UBE2F: variants seen among roughly 807,000 people sequenced by gnomAD.
UBE2F encodes the protein ubiquitin conjugating enzyme E2 F (putative), also known as NEDD8-conjugating enzyme UBE2F.
Under a neutral mutation model 29.6 loss-of-function variants are expected in UBE2F, and 5 were observed. The observed-to-expected ratio is 0.17, with a 90% CI of 0.09 to 0.36. The LOEUF (loss-of-function observed/expected upper bound fraction) is 0.36, where lower values mean the gene tolerates loss of function less well. Among genes scored for constraint, UBE2F ranks in the 10% least tolerant of loss-of-function variants. The pLI is 1.00. For synonymous variants in UBE2F, 66 were observed against 81.8 expected, an observed-to-expected ratio of 0.81 and a Z score of 1.04; for missense variants, 141 against 228.5, an observed-to-expected ratio of 0.62 and a Z score of 2.47.
At chr2:237,969,935 C>T (rs969317538) in intron 1 of UBE2F, among the ~76,000 whole-genome samples, 1 of 152,118 alleles carries the variant, frequency 6.6e-6, no homozygotes, top group Non-Finnish European at 1.5e-5. Context: ...GGCACAGTAG[C>T]GTAACAATGA....
Position 237,999,820 on chromosome 2 carries a change from CTTTTTT to C in UBE2F, c.214+5028_214+5033del, listed in dbSNP as rs3054481. On this transcript the variant is annotated intron_variant, in intron 4 of 9. Coordinates refer to ENST00000272930, the MANE Select transcript of UBE2F (RefSeq NM_080678.3). ...AGATGTTAAGTATTTTGATGTTGTT[CTTTTTT>C]TTTTTTTTTTTTTTTTGAGACGGAG... Among the ~76,000 whole-genome samples the C allele has an allele frequency of 1.7e-3, 203 of 119,760 alleles. 3 individuals carry two copies. The highest frequency in any genetic ancestry group is 4.6e-3 in the South Asian group (18 of 3,894). 78.6% of individuals were successfully genotyped at this position (119,760 alleles called of 152,430 possible).
At position 237,993,696 on chromosome 2, in the gene UBE2F, G is replaced by T. The variant is rs571660113; in HGVS notation, c.149-1048G>T. ...CCACTGTCCTCCAGTCCAGGCAACA[G>T]AGTGAGACCCTGTCTAAAAAAAAGT... On this transcript the variant is annotated intron_variant, in intron 3 of 9. Transcript: ENST00000272930. Among the ~76,000 whole-genome samples, 319 of 152,346 alleles carry T rather than the reference G, an allele frequency of 2.1e-3. 1 individual carries two copies. The highest frequency in any genetic ancestry group is 7.1e-3 in the African/African-American group (294 of 41,578).
intron 2 of UBE2F, 26 bp from the exon 3 acceptor site, chr2:237,987,937 T>G: frequency 7.4e-7 from 1 of 1,356,568 alleles, no homozygotes; most frequent in Non-Finnish European, 1.0e-6. Flanking sequence ...TGACTAATAT[T>G]AATAATAATT....
At position 237,987,852 on chromosome 2, in the gene UBE2F, C is replaced by CATTTT. The variant is rs59213280; in HGVS notation, c.119-111_119-110insATTTT. ...TAGACCAGGTTTTATTCAGTTCATC[C>CATTTT]TTTTTTTTTTTTTTTTGATTCAGTG... is the stretch of plus-strand genomic sequence containing the variant. On this transcript the variant is annotated intron_variant, in intron 2 of 9. Transcript: ENST00000272930. 2.5e-3 allele frequency: 1,288 copies of CATTTT among 519,350 alleles called. 300 individuals carry two copies. Among genetic ancestry groups the CATTTT allele is most frequent in the South Asian group, 6.3e-3 (221 of 35,170 alleles). The allele number at this position is 519,350 out of a possible 1,614,324, so 32.2% of individuals were successfully genotyped here.
intron 4 of UBE2F, among the ~76,000 whole-genome samples, chr2:238,002,993 A>G (rs2106365044): frequency 6.6e-6 from 1 of 152,310 alleles, no homozygotes; most frequent in South Asian, 2.1e-4. Flanking sequence ...AGATAAGGAA[A>G]TGGAGCAGAG....
chr2:237,967,195 C>T lies in UBE2F; in HGVS notation c.-17+63C>T. On this transcript the variant is annotated intron_variant, in intron 1 of 9. Coordinates refer to ENST00000272930, the MANE Select transcript of UBE2F (RefSeq NM_080678.3). This position sits in a 1 kb window ranked among gnomAD's most constrained non-coding sequence, Gnocchi z 6.3. ...TGCGGCCGCCGGTGCACGGGCTGGC[C>T]TGCGGGCCGGGCGGAGGGCGCGGGC... 9.4e-7 allele frequency: 1 copy of T among 1,061,602 alleles called. No individual in the cohort carries two copies. The highest frequency in any genetic ancestry group is 1.7e-5 in the African/African-American group (1 of 58,866). 65.8% of individuals were successfully genotyped at this position (1,061,602 alleles called of 1,614,324 possible). A position where few individuals can be genotyped will look rare whatever the true frequency, so the allele number is the denominator to read the frequency against.
At chr2:237,971,845 A>T (rs2063182967) in intron 1 of UBE2F, among the ~76,000 whole-genome samples, 1 of 152,092 alleles carries the variant, frequency 6.6e-6, no homozygotes, top group Admixed American at 6.6e-5. Context: ...CTGGTGGGAG[A>T]TGTTGGTAAT....
chr2:238,019,724 A>C (rs1181955833), intron 5 of UBE2F, among the ~76,000 whole-genome samples: 4 of 133,698 alleles, frequency 3.0e-5, no homozygotes, highest in Non-Finnish European at 6.1e-5. Flanking sequence ...CAATGGCATG[A>C]TCTCAGCTCA....
At chr2:238,019,386 C>T (rs976428438) in intron 5 of UBE2F, among the ~76,000 whole-genome samples, 1 of 152,002 alleles carries the variant, frequency 6.6e-6, no homozygotes, top group Non-Finnish European at 1.5e-5. Flanking sequence ...GTCCCCCCTG[C>T]CTTTTTTTTG....
chr2:238,035,236 G>A (rs1379226754), intron 8 of UBE2F: 1 of 152,848 alleles, frequency 6.5e-6, no homozygotes, highest in Non-Finnish European at 1.5e-5. Context: ...GCAGTGTGAA[G>A]ATAAGATGCG....
chr2:238,009,711 C>A (rs780827505), intron 4 of UBE2F, among the ~76,000 whole-genome samples: 1 of 152,190 alleles, frequency 6.6e-6, no homozygotes, highest in African/African-American at 2.4e-5. Flanking sequence ...CTCCTGCCTC[C>A]GCTCACACTC....
chr2:237,980,187 A>G (rs895573), intron 2 of UBE2F, among the ~76,000 whole-genome samples: 130,850 of 152,330 alleles, frequency 0.86, 56,359 homozygotes, highest in East Asian at 0.97. Context: ...TGAAGGGCTC[A>G]GCAGCTCTGC....
chr2:237,974,550 G>A (rs184251184), intron 2 of UBE2F, among the ~76,000 whole-genome samples: 3,252 of 117,178 alleles, frequency 0.028, 134 homozygotes, highest in African/African-American at 0.1. Context: ...GTCTCGCTCT[G>A]TCACCCAGGC....
chr2:238,042,723 T>A lies in UBE2F; in HGVS notation c.*1385T>A, dbSNP rs2106423936. Reference sequence around the variant, plus strand: ...ATAGAATCTCTGATTGTGAGATCAGTCTGTCACGGAGACCCAGCAGGTGAG... The same window carrying A: ...ATAGAATCTCTGATTGTGAGATCAGACTGTCACGGAGACCCAGCAGGTGAG... On this transcript the variant is annotated 3_prime_UTR_variant, in exon 10 of 10. Coordinates refer to ENST00000272930, the MANE Select transcript of UBE2F (RefSeq NM_080678.3). The A allele has an allele frequency of 6.6e-6, 1 of 152,376 alleles. No homozygotes were observed. Among genetic ancestry groups the A allele is most frequent in the African/African-American group, 2.4e-5 (1 of 41,568 alleles). 9.4% of individuals were successfully genotyped at this position (152,376 alleles called of 1,614,324 possible). A position where few individuals can be genotyped will look rare whatever the true frequency, so the allele number is the denominator to read the frequency against.
At chr2:237,971,631 A>C (rs372320622) in intron 1 of UBE2F, among the ~76,000 whole-genome samples, 1 of 152,320 alleles carries the variant, frequency 6.6e-6, no homozygotes, top group East Asian at 1.9e-4. Context: ...CCTGGTGACA[A>C]ATATTTGTCC....
chr2:238,037,053 G>C (rs75960169), intron 9 of UBE2F, among the ~76,000 whole-genome samples: 2,179 of 152,180 alleles, frequency 0.014, 42 homozygotes, highest in African/African-American at 0.05. Context: ...CCCTGAGCTT[G>C]TCAAGGTTCA....
chr2:238,024,151 AAC>A (rs2064360171), intron 5 of UBE2F, among the ~76,000 whole-genome samples: 1 of 152,226 alleles, frequency 6.6e-6, no homozygotes, highest in Non-Finnish European at 1.5e-5. Context: ...AAGAGGCATA[AAC>A]ACATGTACAT....
chr2:237,987,576 A>G (rs1331133151), intron 2 of UBE2F, among the ~76,000 whole-genome samples: 2 of 152,196 alleles, frequency 1.3e-5, no homozygotes, highest in Non-Finnish European at 2.9e-5. Flanking sequence ...GGGTAACTGG[A>G]AGATAGCACT....
At chr2:238,036,086 T>C (rs1159787878) in intron 9 of UBE2F, 146 bp downstream of exon 9, 1 of 695,488 alleles carries the variant, frequency 1.4e-6, no homozygotes, top group East Asian at 2.7e-5. Flanking sequence ...GTAAACAATA[T>C]GGTATAGTAA....
Sources: allele counts gnomAD v4.1 joint callset (sites outside exome capture counted in the v4.1 genomes callset), GRCh38; gene constraint gnomAD v4.1.1; non-coding constraint Gnocchi (gnomAD v3.1); transcripts MANE v1.5; gene names NCBI Gene and HGNC (gene_info 2026-07-23, HGNC 2026-07-21).